TMEM200A: variants seen among roughly 807,000 people sequenced by gnomAD.
TMEM200A encodes transmembrane protein 200A, also known as two transmembrane C.
In TMEM200A, 12 loss-of-function variants were observed where a neutral mutation model predicts 24.3. The observed-to-expected ratio is 0.49, with a 90% CI of 0.32 to 0.80. The LOEUF (loss-of-function observed/expected upper bound fraction) is 0.80, where lower values mean the gene tolerates loss of function less well. Ranked by LOEUF, TMEM200A falls within the 30% of genes least tolerant of loss-of-function variation. The probability of loss-of-function intolerance (pLI) is 0.04; values close to 1 mark genes in which losing one functional copy is unlikely to be tolerated. For missense variants in TMEM200A, 545 were observed against 614.4 expected, an observed-to-expected ratio of 0.89 and a Z score of 1.19; for synonymous variants, 224 against 224.4, an observed-to-expected ratio of 1.00 and a Z score of 0.02.
chr6:130,439,784 G>T (rs892390859), intron 2 of TMEM200A, among the ~76,000 whole-genome samples: 1 of 152,068 alleles, frequency 6.6e-6, no homozygotes. Context: ...AGAGTGTGGA[G>T]AAAGGAGGGG....
At chr6:130,421,081 T>A (rs1309621298) in intron 2 of TMEM200A, 2 of 152,324 alleles carry the variant, frequency 1.3e-5, no homozygotes, top group South Asian at 4.1e-4. Flanking sequence ...GCTGCATCTG[T>A]GCCAGAAATT....
intron 2 of TMEM200A, among the ~76,000 whole-genome samples, chr6:130,431,507 T>C (rs1463670504): frequency 6.6e-6 from 1 of 152,130 alleles, no homozygotes; most frequent in Non-Finnish European, 1.5e-5. Flanking sequence ...GTGACAGTGA[T>C]TGTGTAAGAG....
Position 130,366,093 on chromosome 6 carries a change from G to A in TMEM200A, c.-512G>A, listed in dbSNP as rs866800130. ...CTTTCTTGGACGCGGTGGCGGCGCC[G>A]CCTGAGCGGCGACTCCCTCTCCCCT... On this transcript the variant is annotated 5_prime_UTR_variant, in exon 1 of 3. Transcript: ENST00000296978. This position sits in a 1 kb window ranked among gnomAD's most constrained non-coding sequence, Gnocchi z 4.4. 6.1e-6 allele frequency: 6 copies of A among 985,506 alleles called. No individual in the cohort carries two copies. Among genetic ancestry groups the A allele is most frequent in the African/African-American group, 1.7e-5 (1 of 57,244 alleles). 61.0% of individuals were successfully genotyped at this position (985,506 alleles called of 1,614,324 possible).
Position 130,441,902 on chromosome 6 carries a change from T to G in TMEM200A, c.*4T>G. The G allele has an allele frequency of 6.3e-7, 1 of 1,586,452 alleles. No homozygotes were observed. The highest frequency in any genetic ancestry group is 8.5e-7 in the Non-Finnish European group (1 of 1,169,594). ...AACTTCTGAAACAAGGTTTTAATGT[T>G]AAAAGAATATATCATTTTACAAGGG... On this transcript the variant is annotated 3_prime_UTR_variant, in exon 3 of 3. Transcript: ENST00000296978.
At position 130,397,872 on chromosome 6, in the gene TMEM200A, CATA is replaced by C. The variant is rs773153777; in HGVS notation, c.-17+12645_-17+12647del. Among the ~76,000 whole-genome samples, 33 of 151,092 alleles carry C rather than the reference CATA, an allele frequency of 2.2e-4. No individual in the cohort carries two copies. In the South Asian group the frequency reaches 2.5e-3, roughly 11 times the overall value. ...ATATCCTTTGCAATAATAATAATTT[CATA>C]ATAATAATTATTTTAAAATATAGTA... On this transcript the variant is annotated intron_variant, in intron 2 of 2. Coordinates refer to ENST00000296978, the MANE Select transcript of TMEM200A (RefSeq NM_001258277.2).
At chr6:130,394,045 G>A (rs552317913) in intron 2 of TMEM200A, among the ~76,000 whole-genome samples, 47 of 152,218 alleles carry the variant, frequency 3.1e-4, no homozygotes, top group African/African-American at 9.9e-4. Context: ...AGTTGAAATA[G>A]CAACAAATCA....
intron 2 of TMEM200A, among the ~76,000 whole-genome samples, chr6:130,396,611 T>G (rs1004919781): frequency 7.2e-5 from 11 of 152,220 alleles, no homozygotes; most frequent in African/African-American, 2.6e-4. Context: ...CCATATACAT[T>G]ATATATACAC....
chr6:130,437,045 A>T (rs191102938), intron 2 of TMEM200A: 5 of 152,266 alleles, frequency 3.3e-5, no homozygotes, highest in Admixed American at 1.3e-4. Flanking sequence ...ACAAGTTCAG[A>T]TTAATTTTTT....
At chr6:130,382,868 G>A (rs1778632985) in intron 1 of TMEM200A, 2 of 196,048 alleles carry the variant, frequency 1.0e-5, no homozygotes, top group South Asian at 3.5e-4. Flanking sequence ...TCTTCTTGGG[G>A]AAGGGGCGAG....
intron 2 of TMEM200A, among the ~76,000 whole-genome samples, chr6:130,407,982 T>C (rs903804206): frequency 6.6e-6 from 1 of 152,222 alleles, no homozygotes; most frequent in African/African-American, 2.4e-5. Flanking sequence ...CATTCATTCA[T>C]CAAACCTATT....
chr6:130,401,415 C>T (rs9492575), intron 2 of TMEM200A, among the ~76,000 whole-genome samples: 42,322 of 147,444 alleles, frequency 0.29, 9,359 homozygotes, highest in African/African-American at 0.62. Flanking sequence ...TTCTTTCTTT[C>T]TCTTTCTTTC....
chr6:130,403,829 T>C (rs1241146189), intron 2 of TMEM200A, among the ~76,000 whole-genome samples: 1 of 152,100 alleles, frequency 6.6e-6, no homozygotes, highest in Non-Finnish European at 1.5e-5. Flanking sequence ...TCTCCCACCC[T>C]TCAACCTCAA....
intron 2 of TMEM200A, among the ~76,000 whole-genome samples, chr6:130,387,975 G>T (rs1404381362): frequency 6.6e-6 from 1 of 152,140 alleles, no homozygotes; most frequent in Non-Finnish European, 1.5e-5. Flanking sequence ...GTTAGTTTCT[G>T]ATTCTCAAAA....
chr6:130,422,436 T>C (rs1482112944), intron 2 of TMEM200A, among the ~76,000 whole-genome samples: 1 of 151,974 alleles, frequency 6.6e-6, no homozygotes, highest in African/African-American at 2.4e-5. Flanking sequence ...ACCCAGCTAA[T>C]TTTTGTATTT....
intron 2 of TMEM200A, among the ~76,000 whole-genome samples, chr6:130,403,159 C>G (rs73614178): frequency 0.055 from 8,419 of 152,044 alleles, 775 homozygotes; most frequent in African/African-American, 0.19. Flanking sequence ...CCCTTCCATT[C>G]TGAGGGACAC....
intron 2 of TMEM200A, among the ~76,000 whole-genome samples, chr6:130,436,732 C>T (rs1352586622): frequency 2.7e-5 from 4 of 147,790 alleles, no homozygotes; most frequent in Non-Finnish European, 5.9e-5. Flanking sequence ...CTGCAGCCTC[C>T]AGCTCCTGGC....
At chr6:130,412,110 T>G (rs931387133) in intron 2 of TMEM200A, among the ~76,000 whole-genome samples, 9 of 151,940 alleles carry the variant, frequency 5.9e-5, no homozygotes, top group African/African-American at 1.2e-4. Context: ...TTTTTTTTTT[T>G]TTGGCACTAA....
At chr6:130,371,777 C>T (rs1173891978) in intron 1 of TMEM200A, among the ~76,000 whole-genome samples, 1 of 152,190 alleles carries the variant, frequency 6.6e-6, no homozygotes, top group Non-Finnish European at 1.5e-5. Context: ...AATAGAACAA[C>T]TGGAGTTTGA....
intron 2 of TMEM200A, among the ~76,000 whole-genome samples, chr6:130,399,481 C>T (rs1046439591): frequency 1.3e-5 from 2 of 151,906 alleles, no homozygotes; most frequent in Non-Finnish European, 2.9e-5. Flanking sequence ...CATCTTTGTA[C>T]ACCACTTTTA....
Sources: allele counts gnomAD v4.1 joint callset (sites outside exome capture counted in the v4.1 genomes callset), GRCh38; gene constraint gnomAD v4.1.1; non-coding constraint Gnocchi (gnomAD v3.1); transcripts MANE v1.5; gene names NCBI Gene and HGNC (gene_info 2026-07-23, HGNC 2026-07-21).